RBM33: variants seen among roughly 807,000 people sequenced by gnomAD.
The protein encoded by RBM33 is RNA-binding protein 33.
RBM33 carries 28 observed loss-of-function variants against 132.6 expected under a neutral mutation model. That is an observed-to-expected ratio of 0.21 (90% CI 0.16 to 0.29). The LOEUF (loss-of-function observed/expected upper bound fraction) is 0.29, where lower values mean the gene tolerates loss of function less well. RBM33 is among the 10% of genes least tolerant of loss of function. The pLI is 1.00. For missense variants in RBM33, 1,291 were observed against 1,518.5 expected (o/e 0.85, Z 2.49); for synonymous variants, 634 against 593.0 (o/e 1.07, Z -1.01).
intron 5 of RBM33, among the ~76,000 whole-genome samples, chr7:155,698,969 G>C (rs909572923): frequency 1.3e-5 from 2 of 152,116 alleles, no homozygotes; most frequent in Non-Finnish European, 2.9e-5. Context: ...TTTCCTATAG[G>C]TCTATTTGAA....
At chr7:155,758,828 A>T (rs1801935853) in intron 14 of RBM33, among the ~76,000 whole-genome samples, 2 of 150,276 alleles carry the variant, frequency 1.3e-5, no homozygotes. Flanking sequence ...ACATGCCTCC[A>T]GGAAGCAAGA....
intron 3 of RBM33, among the ~76,000 whole-genome samples, chr7:155,674,181 A>G (rs572208563): frequency 6.6e-6 from 1 of 152,086 alleles, no homozygotes; most frequent in East Asian, 1.9e-4. Context: ...CTGATTTAAT[A>G]GGAGTAAACT....
intron 13 of RBM33, among the ~76,000 whole-genome samples, chr7:155,743,398 C>T (rs1312444854): frequency 6.6e-6 from 1 of 152,236 alleles, no homozygotes; most frequent in Non-Finnish European, 1.5e-5. Context: ...AGGCATCCTG[C>T]TGGCACATCT....
intron 7 of RBM33, among the ~76,000 whole-genome samples, chr7:155,707,673 T>A (rs1467506772): frequency 6.6e-6 from 1 of 152,158 alleles, no homozygotes; most frequent in Admixed American, 6.5e-5. Flanking sequence ...TTTTTGTTTT[T>A]GATACAGAGT....
At chr7:155,766,685 C>T (rs531966469) in intron 16 of RBM33, 30 bp downstream of exon 16, 89 of 1,587,340 alleles carry the variant, frequency 5.6e-5, no homozygotes, top group South Asian at 4.7e-4. Flanking sequence ...ATCTGTGCCA[C>T]GGGTAGTTGT....
intron 9 of RBM33, among the ~76,000 whole-genome samples, chr7:155,732,278 A>C (rs1800977601): frequency 6.6e-6 from 1 of 152,258 alleles, no homozygotes; most frequent in South Asian, 2.1e-4. Flanking sequence ...ATTGATAAAA[A>C]AATTTTCACA....
intron 2 of RBM33, 71 bp downstream of exon 2, chr7:155,665,324 G>T: frequency 7.3e-7 from 1 of 1,366,676 alleles, no homozygotes; most frequent in East Asian, 2.3e-5. Flanking sequence ...GCTCCTGAGG[G>T]ATCTTTACTG....
Position 155,745,187 on chromosome 7 carries a change from G to A in RBM33, c.2564G>A (p.Gly855Asp), listed in dbSNP as rs1801474030. ...EQALSPSPTNGNPLLPFPGAQ... is the reference protein window; with the variant it reads ...EQALSPSPTNDNPLLPFPGAQ... ...GCACTGTCACCATCACCCACCAACG[G>A]TAACCCACTGTTGCCCTTTCCAGGT... The change falls in exon 14 of 18, where the codon GGT (glycine) becomes GAT (aspartate). Residue 855 changes from glycine (G) to aspartate (D), a missense_variant. Gly to Asp is a moderately conservative substitution (Grantham distance 94). Transcript: ENST00000401878. The surrounding 1 kb of genome is among the most constrained non-coding windows in gnomAD (Gnocchi z 4.1). The A allele has an allele frequency of 1.9e-6, 3 of 1,611,200 alleles. No homozygotes were observed. Among genetic ancestry groups the A allele is most frequent in the Non-Finnish European group, 2.5e-6 (3 of 1,178,636 alleles).
At position 155,656,617 on chromosome 7, in the gene RBM33, TCA is replaced by T. The variant is rs1798499500; in HGVS notation, c.44-8555_44-8554del. The stretch of plus-strand genomic sequence containing the variant: ...AAAAAAATATGTGTATGTATATATC[TCA>T]CAAGAGATTGAATGCAGAAGCAGAT... On this transcript the variant is annotated intron_variant, in intron 1 of 17. Transcript: ENST00000401878. Among the ~76,000 whole-genome samples, 5 of 152,202 alleles carry T rather than the reference TCA, an allele frequency of 3.3e-5. 1 individual carries two copies. In the South Asian group the frequency reaches 1.0e-3, roughly 31 times the overall value.
intron 1 of RBM33, 65 bp downstream of exon 1, chr7:155,644,984 G>T: frequency 7.8e-7 from 1 of 1,289,854 alleles, no homozygotes; most frequent in Non-Finnish European, 1.0e-6. Flanking sequence ...TGTAGGCCGG[G>T]GGGCCTCCCC....
intron 14 of RBM33, among the ~76,000 whole-genome samples, chr7:155,754,462 G>T (rs1801783036): frequency 6.6e-6 from 1 of 152,186 alleles, no homozygotes; most frequent in Non-Finnish European, 1.5e-5. Context: ...CTCTGTGAGG[G>T]ACTGTGTGGC....
intron 1 of RBM33, among the ~76,000 whole-genome samples, chr7:155,653,730 C>G (rs1798417878): frequency 6.6e-6 from 1 of 152,186 alleles, no homozygotes; most frequent in South Asian, 2.1e-4. Flanking sequence ...CTTCATCTGG[C>G]TCTTCATTTG....
At chr7:155,672,574 G>A (rs1340038587) in intron 2 of RBM33, among the ~76,000 whole-genome samples, 1 of 152,066 alleles carries the variant, frequency 6.6e-6, no homozygotes, top group East Asian at 1.9e-4. Flanking sequence ...GGCCAACATG[G>A]TGAAATCCCG....
intron 9 of RBM33, among the ~76,000 whole-genome samples, chr7:155,733,796 GT>G (rs1416653219): frequency 6.6e-6 from 1 of 152,182 alleles, no homozygotes; most frequent in East Asian, 1.9e-4. Context: ...GTACCTTCCT[GT>G]TTTGTCACCT....
intron 1 of RBM33, among the ~76,000 whole-genome samples, chr7:155,645,681 G>T (rs547201737): frequency 6.6e-6 from 1 of 152,308 alleles, no homozygotes; most frequent in African/African-American, 2.4e-5. Flanking sequence ...TTTTAAAAAC[G>T]TGGAGAGATA....
Position 155,680,586 on chromosome 7 carries a change from C to G in RBM33, c.249-4C>G, listed in dbSNP as rs1242208262. On this transcript the variant is annotated splice_region_variant and splice_polypyrimidine_tract_variant and intron_variant, in intron 4 of 17. Coordinates refer to ENST00000401878, the MANE Select transcript of RBM33 (RefSeq NM_053043.3). ...CTTTTTTTTTTTATTTTCGTCCTCT[C>G]TAGTTCTCAGGGTGTTACAATTAGT... The G allele has an allele frequency of 1.5e-5, 24 of 1,572,866 alleles. No homozygotes were observed. Among genetic ancestry groups the G allele is most frequent in the Non-Finnish European group, 2.0e-5 (23 of 1,161,616 alleles).
intron 9 of RBM33, 47 bp from the exon 10 acceptor site, chr7:155,737,483 T>C: frequency 1.3e-6 from 2 of 1,528,658 alleles, no homozygotes; most frequent in Non-Finnish European, 1.8e-6. Flanking sequence ...TACATACCAT[T>C]TTTCTGTCCT....
intron 16 of RBM33, among the ~76,000 whole-genome samples, chr7:155,769,690 C>T (rs1040031910): frequency 3.9e-5 from 6 of 151,912 alleles, no homozygotes; most frequent in African/African-American, 1.5e-4. Flanking sequence ...AGCCCCTTTA[C>T]GTCTGGTTCT....
intron 14 of RBM33, among the ~76,000 whole-genome samples, chr7:155,750,588 G>C: frequency 1.3e-5 from 2 of 152,268 alleles, no homozygotes; most frequent in Middle Eastern, 6.8e-3. Flanking sequence ...TTCCTCATCA[G>C]TACAATGAGA....
Sources: gnomAD v4.1 joint callset for allele counts (sites outside exome capture counted in the v4.1 genomes callset) on GRCh38, gnomAD v4.1.1 for gene constraint, Gnocchi (gnomAD v3.1) non-coding constraint, MANE v1.5 for transcripts, NCBI Gene and HGNC (gene_info 2026-07-23, HGNC 2026-07-21) for gene names.